The following SAMD5 variants were observed in gnomAD, a reference collection of about 807,000 sequenced individuals.
The protein encoded by SAMD5 is sterile alpha motif domain containing 5, also known as sterile alpha motif domain-containing protein 5.
In SAMD5, 13 loss-of-function variants were observed where a neutral mutation model predicts 11.3. The ratio of observed to expected loss-of-function variants is 1.15; its 90% CI spans 0.75 to 1.83. SAMD5 has a LOEUF of 1.83. Ranked by LOEUF, SAMD5 falls within the 40% of genes most tolerant of loss-of-function variation. SAMD5 has a pLI of 0.00. For missense variants in SAMD5, 255 were observed against 239.1 expected (o/e 1.07, Z -0.44); for synonymous variants, 129 against 111.3 (o/e 1.16, Z -1.00).
At chr6:147,557,187 AT>A in intron 1 of SAMD5, among the ~76,000 whole-genome samples, 1 of 152,348 alleles carries the variant, frequency 6.6e-6, no homozygotes, top group Non-Finnish European at 1.5e-5. Context: ...ATATAACTAA[AT>A]AAGCATCATG....
At chr6:147,772,160 G>A in the SAMD5 span, among the ~76,000 whole-genome samples, 1 of 152,100 alleles carries the variant, frequency 6.6e-6, no homozygotes, top group Non-Finnish European at 1.5e-5. Flanking sequence ...CTTGCAATTT[G>A]CATCGAAATG....
intron 1 of SAMD5, among the ~76,000 whole-genome samples, chr6:147,698,193 CA>C (rs887122706): frequency 6.6e-6 from 1 of 152,094 alleles, no homozygotes; most frequent in African/African-American, 2.4e-5. Context: ...TGGTTCCTAA[CA>C]GGCCACAGAC....
At chr6:147,522,616 T>C (rs1190808319) in intron 1 of SAMD5, among the ~76,000 whole-genome samples, 2 of 152,250 alleles carry the variant, frequency 1.3e-5, no homozygotes, top group Non-Finnish European at 2.9e-5. Context: ...ATAATAATCT[T>C]ACTCCAAGAC....
intron 1 of SAMD5, among the ~76,000 whole-genome samples, chr6:147,699,661 C>A (rs1270239017): frequency 6.6e-6 from 1 of 152,182 alleles, no homozygotes; most frequent in Non-Finnish European, 1.5e-5. Context: ...AGATAGTCCA[C>A]ATGAATGAAT....
At chr6:147,660,860 C>A (rs925773368) in intron 1 of SAMD5, 1 of 152,228 alleles carries the variant, frequency 6.6e-6, no homozygotes, top group Non-Finnish European at 1.5e-5. Context: ...ATTAGCCAGT[C>A]TCAGATAGTT....
At chr6:147,663,378 A>G (rs1190314812) in intron 1 of SAMD5, among the ~76,000 whole-genome samples, 4 of 152,198 alleles carry the variant, frequency 2.6e-5, no homozygotes, top group African/African-American at 9.7e-5. Flanking sequence ...TACTAGGCTT[A>G]ACACCTGGGT....
chr6:147,691,999 CT>C (rs759380028), intron 1 of SAMD5, among the ~76,000 whole-genome samples: 3 of 150,416 alleles, frequency 2.0e-5, no homozygotes, highest in Middle Eastern at 3.4e-3. Flanking sequence ...ACACACCCCC[CT>C]GATTGAGTGC....
the SAMD5 span, among the ~76,000 whole-genome samples, chr6:147,811,330 T>C: frequency 6.6e-6 from 1 of 152,164 alleles, no homozygotes; most frequent in Admixed American, 6.5e-5. Flanking sequence ...GCTCATAAAA[T>C]AGGAAAATCC....
chr6:147,637,106 C>A (rs1414634825), intron 1 of SAMD5, among the ~76,000 whole-genome samples: 2 of 152,170 alleles, frequency 1.3e-5, no homozygotes, highest in Non-Finnish European at 2.9e-5. Context: ...GTTCACACGG[C>A]ACAGAATAGC....
At chr6:147,593,479 A>G (rs1182194864) in intron 1 of SAMD5, among the ~76,000 whole-genome samples, 1 of 152,168 alleles carries the variant, frequency 6.6e-6, no homozygotes, top group Non-Finnish European at 1.5e-5. Flanking sequence ...AGTGCCATAA[A>G]ATGTTTGGTC....
rs1336868983 is a variant in SAMD5 at position 147,566,772 on chromosome 6, G to T, written c.*2316G>T. ...GCTAGAGGAAGAAAACTTCAAATAAGCAAAGAAGTATTGAAGGATGCCCAC... is the reference window on the plus strand; with the variant it reads ...GCTAGAGGAAGAAAACTTCAAATAATCAAAGAAGTATTGAAGGATGCCCAC... On this transcript the variant is annotated 3_prime_UTR_variant, in exon 2 of 2. Coordinates refer to ENST00000367474, the MANE Select transcript of SAMD5 (RefSeq NM_001030060.3). The T allele has an allele frequency of 6.1e-6, 6 of 984,030 alleles. No individual in the cohort carries two copies. In the African/African-American group the frequency reaches 1.0e-4, roughly 17 times the overall value. 61.0% of individuals were successfully genotyped at this position (984,030 alleles called of 1,614,324 possible). A position where few individuals can be genotyped will look rare whatever the true frequency, so the allele number is the denominator to read the frequency against.
chr6:147,598,068 C>A (rs1030829019), intron 1 of SAMD5, among the ~76,000 whole-genome samples: 3 of 152,080 alleles, frequency 2.0e-5, no homozygotes, highest in African/African-American at 7.2e-5. Context: ...CTGGAGCTGA[C>A]AAAGTTGCCA....
chr6:147,663,302 ACT>A (rs542110224), intron 1 of SAMD5, among the ~76,000 whole-genome samples: 34 of 152,118 alleles, frequency 2.2e-4, no homozygotes, highest in Non-Finnish European at 4.4e-4. Context: ...GGACTAACAC[ACT>A]CTGAGGCCTT....
intron 1 of SAMD5, among the ~76,000 whole-genome samples, chr6:147,708,271 C>T (rs1432124404): frequency 1.3e-5 from 2 of 152,134 alleles, no homozygotes; most frequent in Non-Finnish European, 2.9e-5. Flanking sequence ...CATAAAGATA[C>T]AGGAAAAAGA....
the SAMD5 span, among the ~76,000 whole-genome samples, chr6:147,906,648 G>A: frequency 1.3e-5 from 2 of 152,084 alleles, no homozygotes; most frequent in African/African-American, 4.8e-5. Flanking sequence ...AGTCATTTTT[G>A]GTAGAATATC....
At chr6:147,537,811 A>G (rs1012349036) in intron 1 of SAMD5, among the ~76,000 whole-genome samples, 8 of 152,074 alleles carry the variant, frequency 5.3e-5, no homozygotes, top group Non-Finnish European at 1.0e-4. Flanking sequence ...AGCTTTCCAA[A>G]CAGGACCCAA....
At chr6:147,622,509 C>T (rs7760597) in intron 1 of SAMD5, among the ~76,000 whole-genome samples, 1 of 151,942 alleles carries the variant, frequency 6.6e-6, no homozygotes. Context: ...CACTCCAAAG[C>T]AGAATTTATA....
At chr6:147,607,027 A>G (rs994782513) in intron 1 of SAMD5, among the ~76,000 whole-genome samples, 1 of 151,742 alleles carries the variant, frequency 6.6e-6, no homozygotes, top group African/African-American at 2.4e-5. Flanking sequence ...TCAAGTAGCA[A>G]GGCTAACTCC....
chr6:147,943,997 C>A, the SAMD5 span, among the ~76,000 whole-genome samples: 1 of 152,246 alleles, frequency 6.6e-6, no homozygotes, highest in Middle Eastern at 3.4e-3. Flanking sequence ...GGATCATCAC[C>A]CAAGCCCAGA....
Sources: gnomAD v4.1 joint callset for allele counts (sites outside exome capture counted in the v4.1 genomes callset) on GRCh38, gnomAD v4.1.1 for gene constraint, MANE v1.5 for transcripts, NCBI Gene and HGNC (gene_info 2026-07-23, HGNC 2026-07-21) for gene names.